The following SEC63 variants were observed in gnomAD, a reference collection of about 807,000 sequenced individuals.
The protein encoded by SEC63 is SEC63 protein translocation regulator, also known as translocation protein SEC63 homolog.
SEC63 carries 56 observed loss-of-function variants against 116.2 expected under a neutral mutation model. That is an observed-to-expected ratio of 0.48 (90% CI 0.39 to 0.60). The LOEUF (loss-of-function observed/expected upper bound fraction) is 0.60, where lower values mean the gene tolerates loss of function less well. Among genes scored for constraint, SEC63 ranks in the 20% least tolerant of loss-of-function variants. The probability of loss-of-function intolerance (pLI) is 0.00; values close to 1 mark genes in which losing one functional copy is unlikely to be tolerated. For synonymous variants in SEC63, 273 were observed against 294.6 expected, an observed-to-expected ratio of 0.93 and a Z score of 0.75; for missense variants, 668 against 900.0, an observed-to-expected ratio of 0.74 and a Z score of 3.30.
In SEC63 at chr6:107,915,434, A is replaced by G. The variant is rs201288674; in HGVS notation, c.453-2007T>C. On this transcript the variant is annotated intron_variant, in intron 4 of 20. Coordinates refer to ENST00000369002, the MANE Select transcript of SEC63 (RefSeq NM_007214.5). The stretch of plus-strand genomic sequence containing the variant: ...CATGAGTTGGCTATGCACAGTTATT[A>G]TAAGTTACATGCTCATCTGTAAAAA... Among the ~76,000 whole-genome samples the G allele has an allele frequency of 8.5e-5, 13 of 152,176 alleles. No homozygotes were observed. The East Asian group carries it at 2.1e-3, about 25-fold the overall frequency.
intron 16 of SEC63, among the ~76,000 whole-genome samples, chr6:107,886,845 G>GT (rs34959288): frequency 0.1 from 12,914 of 127,992 alleles, 809 homozygotes; most frequent in African/African-American, 0.18. Context: ...GTTTTTTTGG[G>GT]TTTTTTTTTT....
intron 3 of SEC63, among the ~76,000 whole-genome samples, chr6:107,923,660 G>A (rs913161332): frequency 1.3e-4 from 20 of 151,620 alleles, no homozygotes; most frequent in African/African-American, 4.8e-4. Context: ...AAGTAGCTAG[G>A]ACTATAGGTG....
intron 1 of SEC63, among the ~76,000 whole-genome samples, chr6:107,953,828 G>C: frequency 7.1e-6 from 1 of 141,818 alleles, no homozygotes; most frequent in South Asian, 2.2e-4. Flanking sequence ...CAGCCGCCCC[G>C]TCCGGGAGGG....
intron 4 of SEC63, among the ~76,000 whole-genome samples, chr6:107,914,262 C>G (rs1020639467): frequency 1.3e-5 from 2 of 152,108 alleles, no homozygotes; most frequent in Admixed American, 1.3e-4. Context: ...CCAACACACA[C>G]GCTCAAAAAT....
chr6:107,940,626 CACAT>C (rs1770355093), intron 1 of SEC63, among the ~76,000 whole-genome samples: 1 of 151,990 alleles, frequency 6.6e-6, no homozygotes, highest in Admixed American at 6.6e-5. Context: ...CGCACACATA[CACAT>C]ACACAGGCAC....
intron 1 of SEC63, 174 bp downstream of exon 1, chr6:107,957,712 G>T: frequency 2.0e-6 from 1 of 506,662 alleles, no homozygotes; most frequent in Non-Finnish European, 3.0e-6. Context: ...GAAGCGCCGA[G>T]GGAAACGCTG....
At chr6:107,920,762 T>A (rs548355531) in intron 4 of SEC63, among the ~76,000 whole-genome samples, 20 of 152,210 alleles carry the variant, frequency 1.3e-4, no homozygotes, top group Non-Finnish European at 2.4e-4. Flanking sequence ...GTTTTATCTC[T>A]TGGAAGATTA....
intron 16 of SEC63, among the ~76,000 whole-genome samples, chr6:107,892,486 C>T (rs1018337907): frequency 2.1e-4 from 32 of 152,058 alleles, no homozygotes; most frequent in African/African-American, 5.3e-4. Context: ...GACTTTGGAA[C>T]AGTCAGGATG....
chr6:107,917,183 C>A (rs1242131270), intron 4 of SEC63, among the ~76,000 whole-genome samples: 1 of 152,174 alleles, frequency 6.6e-6, no homozygotes, highest in African/African-American at 2.4e-5. Flanking sequence ...GTTAACTAGC[C>A]CAACCTATTC....
rs543273438 is a variant in SEC63, at chr6:107,895,765, G to A, written c.1441-1868C>T. Among the ~76,000 whole-genome samples, 10 of 151,340 alleles carry A rather than the reference G, an allele frequency of 6.6e-5. No homozygotes were observed. The East Asian group carries it at 1.7e-3, about 26-fold the overall frequency. On this transcript the variant is annotated intron_variant, in intron 14 of 20. Coordinates refer to ENST00000369002, the MANE Select transcript of SEC63 (RefSeq NM_007214.5). Reference sequence around the variant, plus strand: ...AAGCCAGGCATGGTGGCTCATGCCTGTAATCCCAGCACTTTGTGAGGCCAA... The same window carrying A: ...AAGCCAGGCATGGTGGCTCATGCCTATAATCCCAGCACTTTGTGAGGCCAA...
chr6:107,873,653 A>G (rs1786186566), intron 19 of SEC63, among the ~76,000 whole-genome samples: 1 of 152,130 alleles, frequency 6.6e-6, no homozygotes, highest in South Asian at 2.1e-4. Context: ...TCTTTAAATC[A>G]TACTACAAAA....
chr6:107,952,254 G>A (rs551595476), intron 1 of SEC63, among the ~76,000 whole-genome samples: 84 of 152,190 alleles, frequency 5.5e-4, no homozygotes, highest in Middle Eastern at 3.4e-3. Context: ...TAACAGGTAC[G>A]TTCAATTAAC....
intron 7 of SEC63, 192 bp from the exon 8 acceptor site, chr6:107,909,227 C>T (rs757303813): frequency 1.1e-4 from 52 of 484,772 alleles, no homozygotes; most frequent in Non-Finnish European, 1.7e-4. Context: ...AAAATGCAAA[C>T]ATTAGCTGGG....
At chr6:107,923,105 T>C (rs886578873) in intron 3 of SEC63, among the ~76,000 whole-genome samples, 2 of 152,186 alleles carry the variant, frequency 1.3e-5, no homozygotes, top group Non-Finnish European at 2.9e-5. Context: ...GGCTAGATGA[T>C]CTCTATCATT....
chr6:107,951,965 T>C (rs1583782272), intron 1 of SEC63, among the ~76,000 whole-genome samples: 1 of 129,884 alleles, frequency 7.7e-6, no homozygotes. Flanking sequence ...AGAGCGAGAC[T>C]CCATCTCAAA....
At chr6:107,916,165 T>C (rs2114466547) in intron 4 of SEC63, among the ~76,000 whole-genome samples, 1 of 152,280 alleles carries the variant, frequency 6.6e-6, no homozygotes, top group East Asian at 1.9e-4. Context: ...AACTACTAAT[T>C]AAATAGTCTT....
intron 19 of SEC63, among the ~76,000 whole-genome samples, chr6:107,876,047 GA>G (rs1361952046): frequency 1.3e-5 from 2 of 151,244 alleles, no homozygotes; most frequent in Non-Finnish European, 2.9e-5. Flanking sequence ...CTTCTTCCTA[GA>G]AAAAAAACAC....
intron 1 of SEC63, among the ~76,000 whole-genome samples, chr6:107,956,461 T>C (rs1770714571): frequency 6.6e-6 from 1 of 152,190 alleles, no homozygotes; most frequent in African/African-American, 2.4e-5. Flanking sequence ...ACCCAATTTT[T>C]TTTCCTTTTT....
chr6:107,947,139 A>T (rs1157929900), intron 1 of SEC63, among the ~76,000 whole-genome samples: 1 of 152,116 alleles, frequency 6.6e-6, no homozygotes, highest in Non-Finnish European at 1.5e-5. Flanking sequence ...ATCTCTACAA[A>T]AATTATAAAA....
Sources: gnomAD v4.1 joint callset for allele counts (sites outside exome capture counted in the v4.1 genomes callset) on GRCh38, gnomAD v4.1.1 for gene constraint, MANE v1.5 for transcripts, NCBI Gene and HGNC (gene_info 2026-07-23, HGNC 2026-07-21) for gene names.